The following PRDM6 variants were observed in gnomAD, a reference collection of about 807,000 sequenced individuals.
PRDM6 encodes PR/SET domain 6, also known as putative histone-lysine N-methyltransferase PRDM6.
A neutral mutation model predicts 60.8 loss-of-function variants in PRDM6; 25 were observed. The ratio of observed to expected loss-of-function variants is 0.41; its 90% confidence interval spans 0.30 to 0.57. The LOEUF (loss-of-function observed/expected upper bound fraction) is 0.57, where lower values mean the gene tolerates loss of function less well. Among genes scored for constraint, PRDM6 ranks in the 20% least tolerant of loss-of-function variants. PRDM6 has a pLI of 0.27. For missense variants in PRDM6, 839 were observed against 821.3 expected (o/e 1.02, Z -0.26); for synonymous variants, 407 against 357.4 (o/e 1.14, Z -1.57).
chr5:123,109,762 A>C (rs1764266731), intron 3 of PRDM6, among the ~76,000 whole-genome samples: 1 of 152,198 alleles, frequency 6.6e-6, no homozygotes, highest in African/African-American at 2.4e-5. Flanking sequence ...CAGTAAGCAA[A>C]ATGCTAGCTG....
At chr5:123,098,632 G>A (rs1008146990) in intron 2 of PRDM6, among the ~76,000 whole-genome samples, 4 of 152,220 alleles carry the variant, frequency 2.6e-5, no homozygotes, top group Admixed American at 1.3e-4. Flanking sequence ...GGAGAGTGTC[G>A]GAGAGAGACA....
At chr5:123,141,607 A>G (rs1765103899) in intron 3 of PRDM6, among the ~76,000 whole-genome samples, 1 of 152,126 alleles carries the variant, frequency 6.6e-6, no homozygotes, top group African/African-American at 2.4e-5. Flanking sequence ...ATCTGAAGTC[A>G]CCCAGCTGAG....
intron 3 of PRDM6, among the ~76,000 whole-genome samples, chr5:123,127,545 G>A (rs1342560282): frequency 6.6e-6 from 1 of 152,188 alleles, no homozygotes. Flanking sequence ...AGCATTGTTA[G>A]TTGTGAGACT....
At chr5:123,123,569 T>C (rs1431511371) in intron 3 of PRDM6, among the ~76,000 whole-genome samples, 2 of 152,250 alleles carry the variant, frequency 1.3e-5, no homozygotes, top group Non-Finnish European at 2.9e-5. Context: ...TCAATTGTCT[T>C]TGGGATCCTT....
rs576120470 is a variant in PRDM6 at position 123,190,466 on chromosome 5, G to C, written c.*3265G>C. On this transcript the variant is annotated 3_prime_UTR_variant, in exon 8 of 8. Transcript: ENST00000407847. Reference sequence around the variant, plus strand: ...TTTGGAGGAGATATACTTCTAAAAAGTTATTGTATGGCTAATTAAAGCTAT... The same window carrying C: ...TTTGGAGGAGATATACTTCTAAAAACTTATTGTATGGCTAATTAAAGCTAT... The C allele has an allele frequency of 6.8e-4, 103 of 152,260 alleles. No individual in the cohort carries two copies. The highest frequency in any genetic ancestry group is 3.4e-3 in the Middle Eastern group (1 of 294). 9.4% of individuals were successfully genotyped at this position (152,260 alleles called of 1,614,324 possible). A position where few individuals can be genotyped will look rare whatever the true frequency, so the allele number is the denominator to read the frequency against.
intron 3 of PRDM6, among the ~76,000 whole-genome samples, chr5:123,138,074 C>T (rs942444897): frequency 6.6e-6 from 1 of 152,092 alleles, no homozygotes; most frequent in African/African-American, 2.4e-5. Context: ...TATGTGACAG[C>T]CCACATGGTT....
intron 4 of PRDM6, among the ~76,000 whole-genome samples, chr5:123,157,062 CTTTT>C (rs35295245): frequency 7.1e-6 from 1 of 140,492 alleles, no homozygotes. Context: ...TTTTCCTTTC[CTTTT>C]TTTTTTTTTT....
At chr5:123,116,701 G>C (rs1204894128) in intron 3 of PRDM6, among the ~76,000 whole-genome samples, 1 of 152,122 alleles carries the variant, frequency 6.6e-6, no homozygotes, top group Non-Finnish European at 1.5e-5. Context: ...TCCAAGTCCA[G>C]ACCTGTTGGG....
At chr5:123,174,195 C>T (rs1276339551) in intron 6 of PRDM6, among the ~76,000 whole-genome samples, 1 of 152,198 alleles carries the variant, frequency 6.6e-6, no homozygotes, top group African/African-American at 2.4e-5. Context: ...CTTTGAGCAT[C>T]ATGTTGCTGT....
chr5:123,136,320 G>C (rs61627996), intron 3 of PRDM6, among the ~76,000 whole-genome samples: 27,770 of 151,916 alleles, frequency 0.18, 3,133 homozygotes, highest in East Asian at 0.59. Flanking sequence ...TTTTATTTCT[G>C]TCCTGGTCGT....
intron 2 of PRDM6, among the ~76,000 whole-genome samples, chr5:123,096,802 G>A (rs773968491): frequency 2.8e-4 from 43 of 152,206 alleles, no homozygotes; most frequent in Non-Finnish European, 5.6e-4. Flanking sequence ...GACGGCTTTA[G>A]AGGACTTCTT....
At chr5:123,130,184 TCCC>T in intron 3 of PRDM6, among the ~76,000 whole-genome samples, 1 of 47,084 alleles carries the variant, frequency 2.1e-5, no homozygotes, top group Admixed American at 2.0e-4. Context: ...CCCCTTCCCT[TCCC>T]TTCCCTTCCT....
At position 123,189,912 on chromosome 5, in the gene PRDM6, CTT is replaced by C. The variant is rs918845361; in HGVS notation, c.*2713_*2714del. The C allele has an allele frequency of 1.3e-5, 2 of 152,194 alleles. No homozygotes were observed. The highest frequency in any genetic ancestry group is 4.8e-5 in the African/African-American group (2 of 41,462). 9.4% of individuals were successfully genotyped at this position (152,194 alleles called of 1,614,324 possible). On this transcript the variant is annotated 3_prime_UTR_variant, in exon 8 of 8. Coordinates refer to ENST00000407847, the MANE Select transcript of PRDM6 (RefSeq NM_001136239.4). ...AGTGTATGCTGGGGAGGAGGTTTCT[CTT>C]TGAAACTTCCTAACAATTGCTTTAG...
chr5:123,155,997 A>G lies in PRDM6; in HGVS notation c.1014A>G (p.Thr338=). The G allele has an allele frequency of 6.4e-7, 1 of 1,551,618 alleles. No homozygotes were observed. Among genetic ancestry groups the G allele is most frequent in the African/African-American group, 1.4e-5 (1 of 73,164 alleles). The change falls in exon 4 of 8, where the codon ACA becomes ACG. Residue 338 remains threonine, a synonymous_variant. Transcript: ENST00000407847. ...GGCACTGCGGAGAACAGAATCTAAC[A>G]GTAGTTCAGTACAGGTAAAGTATAT... The part of the protein sequence containing the change: ...CARHCGEQNL[T]VVQYRSNIFY...
Position 123,090,397 on chromosome 5 carries a change from C to T in PRDM6, c.383C>T (p.Ala128Val). Residue 128 changes from alanine (A) to valine (V), a missense_variant, in exon 2 of 8, where the codon GCC becomes GTC. Physicochemically the swap from Ala to Val is moderately conservative, Grantham distance 64. Around this residue, in one of 2 missense-constraint regions of PRDM6, gnomAD observed 730 missense variants for 648.8 expected, o/e 1.13. Transcript: ENST00000407847. Reference sequence around the variant, plus strand: ...GCGCCTCTAGCCGCCGCTGCCGTCGCCGCCGAGCCGCTGCCCCCCAAGGAA... The same window carrying T: ...GCGCCTCTAGCCGCCGCTGCCGTCGTCGCCGAGCCGCTGCCCCCCAAGGAA... Reference protein sequence around the residue: ...VFAPLAAAAVAAEPLPPKELC... With the variant: ...VFAPLAAAAVVAEPLPPKELC... 4 of 1,459,910 alleles carry T rather than the reference C, an allele frequency of 2.7e-6. No individual in the cohort carries two copies. The highest frequency in any genetic ancestry group is 3.6e-6 in the Non-Finnish European group (4 of 1,112,412). 90.4% of individuals were successfully genotyped at this position (1,459,910 alleles called of 1,614,324 possible).
chr5:123,149,637 A>G (rs1765329817), intron 3 of PRDM6, among the ~76,000 whole-genome samples: 1 of 152,214 alleles, frequency 6.6e-6, no homozygotes, highest in Non-Finnish European at 1.5e-5. Flanking sequence ...TAACTTTAGG[A>G]AAGTGTGGAG....
intron 5 of PRDM6, among the ~76,000 whole-genome samples, chr5:123,166,838 T>G: frequency 6.6e-6 from 1 of 152,256 alleles, no homozygotes; most frequent in East Asian, 1.9e-4. Flanking sequence ...ACTGTATCCT[T>G]TAAGGCTTTG....
intron 2 of PRDM6, among the ~76,000 whole-genome samples, chr5:123,098,014 G>C (rs988491625): frequency 6.6e-6 from 1 of 152,208 alleles, no homozygotes; most frequent in Non-Finnish European, 1.5e-5. Flanking sequence ...TACATAGTCA[G>C]CCCTCCTTTG....
chr5:123,090,220 T>A lies in PRDM6; in HGVS notation c.206T>A (p.Leu69Gln). 1 of 1,474,132 alleles carries A rather than the reference T, an allele frequency of 6.8e-7. No homozygotes were observed. Among genetic ancestry groups the A allele is most frequent in the Non-Finnish European group, 9.0e-7 (1 of 1,114,354 alleles). The allele number at this position is 1,474,132 out of a possible 1,614,324, so 91.3% of individuals were successfully genotyped here. The change falls in exon 2 of 8, where the codon CTG (leucine) becomes CAG (glutamine). Residue 69 changes from leucine to glutamine, a missense_variant. By Grantham distance (113) the Leu-to-Gln change is moderately radical. Transcript: ENST00000407847. ...CGCGCTGAGCCTCCGCCGGACAGCC[T>A]GCGCCCGCGGCCCGCCTCTCTCTCC... is the stretch of plus-strand genomic sequence containing the variant. Reference protein sequence around the residue: ...PERAEPPPDSLRPRPASLSSA... With the variant: ...PERAEPPPDSQRPRPASLSSA...
Sources: gnomAD v4.1 joint callset for allele counts (sites outside exome capture counted in the v4.1 genomes callset) on GRCh38, gnomAD v4.1.1 for gene constraint, gnomAD v4.1.1 regional missense constraint, MANE v1.5 for transcripts, NCBI Gene and HGNC (gene_info 2026-07-23, HGNC 2026-07-21) for gene names.